Variants in CORO1C observed in about 807,000 individuals in gnomAD.
CORO1C encodes the protein coronin 1C.
A neutral mutation model predicts 51.2 loss-of-function variants in CORO1C; 14 were observed. The observed-to-expected ratio is 0.27, with a 90% CI of 0.18 to 0.43. CORO1C has a LOEUF of 0.43. Ranked by LOEUF, CORO1C falls within the 20% of genes least tolerant of loss-of-function variation. The pLI, the probability that CORO1C is intolerant of heterozygous loss-of-function variation, is 1.00. For missense variants in CORO1C, 417 were observed against 607.8 expected (o/e 0.69, Z 3.30); for synonymous variants, 181 against 210.5 (o/e 0.86, Z 1.21).
At chr12:108,710,091 T>C (rs1013831560) in intron 1 of CORO1C, among the ~76,000 whole-genome samples, 11 of 152,238 alleles carry the variant, frequency 7.2e-5, no homozygotes, top group Non-Finnish European at 1.6e-4. Context: ...AGATGTAATT[T>C]ATCACTCTCC....
Position 108,657,381 on chromosome 12 carries a change from T to C in CORO1C, c.673A>G (p.Ile225Val), listed in dbSNP as rs1164211204. The C allele has an allele frequency of 1.1e-5, 17 of 1,614,110 alleles. No homozygotes were observed. Among genetic ancestry groups the C allele is most frequent in the Non-Finnish European group, 1.4e-5 (16 of 1,179,966 alleles). Residue 225 changes from isoleucine (I) to valine (V), a missense_variant, in exon 6 of 11, where the codon ATC becomes GTC. Transcript: ENST00000261401. Reference protein sequence around the residue: ...AHEGARPMRAIFLADGNVFTT... With the variant: ...AHEGARPMRAVFLADGNVFTT... ...AAGACATTGCCATCGGCCAGGAAGA[T>C]GGCTCTCATGGGTCTTGCTCCTTCA...
intron 1 of CORO1C, among the ~76,000 whole-genome samples, chr12:108,713,397 T>A (rs115803861): frequency 4.1e-4 from 62 of 152,362 alleles, no homozygotes; most frequent in African/African-American, 1.4e-3. Flanking sequence ...AATTCACATG[T>A]ATTACATAGC....
chr12:108,672,711 T>C (rs1046197429), intron 3 of CORO1C, among the ~76,000 whole-genome samples: 1 of 152,202 alleles, frequency 6.6e-6, no homozygotes, highest in Non-Finnish European at 1.5e-5. Flanking sequence ...CAAGTCTATC[T>C]GCACCATTTT....
At chr12:108,714,623 A>C (rs2035278177) in intron 1 of CORO1C, among the ~76,000 whole-genome samples, 1 of 150,452 alleles carries the variant, frequency 6.6e-6, no homozygotes, top group Non-Finnish European at 1.5e-5. Flanking sequence ...TTAGCCGGGC[A>C]TGATGGCGCA....
At chr12:108,669,800 TAGG>T (rs2033645869) in intron 3 of CORO1C, among the ~76,000 whole-genome samples, 1 of 152,090 alleles carries the variant, frequency 6.6e-6, no homozygotes, top group Admixed American at 6.5e-5. Context: ...GCAGGTAGGC[TAGG>T]AGAAGATCAA....
chr12:108,683,593 T>C (rs2034199464), intron 2 of CORO1C, among the ~76,000 whole-genome samples: 1 of 152,110 alleles, frequency 6.6e-6, no homozygotes, highest in Admixed American at 6.6e-5. Context: ...ACACTAGGAA[T>C]AACATTTGAC....
chr12:108,676,771 CAA>C (rs770920855), intron 3 of CORO1C, among the ~76,000 whole-genome samples: 11 of 120,634 alleles, frequency 9.1e-5, no homozygotes, highest in Non-Finnish European at 8.6e-5. Flanking sequence ...GACTCCATCC[CAA>C]AAAAAAAAAA....
At chr12:108,727,759 T>G (rs977989950) in intron 1 of CORO1C, among the ~76,000 whole-genome samples, 5 of 152,156 alleles carry the variant, frequency 3.3e-5, no homozygotes, top group African/African-American at 1.2e-4. Context: ...TCATCAAAAT[T>G]TAAAATCTTT....
intron 8 of CORO1C, among the ~76,000 whole-genome samples, chr12:108,651,189 C>A (rs574296506): frequency 2.0e-5 from 3 of 152,276 alleles, no homozygotes; most frequent in Non-Finnish European, 2.9e-5. Context: ...ATTTGGAAGA[C>A]GTAAGTATCA....
At chr12:108,687,793 A>ATAC (rs1259219150) in intron 2 of CORO1C, among the ~76,000 whole-genome samples, 1 of 152,052 alleles carries the variant, frequency 6.6e-6, no homozygotes. Context: ...AATAATAATA[A>ATAC]TAACAATTTA....
At chr12:108,679,109 C>CAAAAAAAAAAAAAAAAAAAAAAAAA (rs1183326267) in intron 2 of CORO1C, among the ~76,000 whole-genome samples, 6 of 22,160 alleles carry the variant, frequency 2.7e-4, no homozygotes, top group African/African-American at 4.3e-4. Flanking sequence ...GACTCTGTCT[C>CAAAAAAAAAAAAAAAAAAAAAAAAA]AAAAAAAAAA....
chr12:108,691,672 C>T (rs2034500037), intron 2 of CORO1C, among the ~76,000 whole-genome samples: 1 of 152,216 alleles, frequency 6.6e-6, no homozygotes, highest in Non-Finnish European at 1.5e-5. Flanking sequence ...AGGAAATTAT[C>T]CTGGCCGGCT....
chr12:108,681,834 C>A (rs1397203020), intron 2 of CORO1C, among the ~76,000 whole-genome samples: 1 of 151,902 alleles, frequency 6.6e-6, no homozygotes, highest in African/African-American at 2.4e-5. Flanking sequence ...ATAAATAAAG[C>A]AAATACAAAC....
chr12:108,674,071 A>G (rs991446717), intron 3 of CORO1C, among the ~76,000 whole-genome samples: 27 of 152,168 alleles, frequency 1.8e-4, no homozygotes, highest in Non-Finnish European at 1.0e-4. Context: ...CTCACCAACA[A>G]TGCACCTTAT....
intron 1 of CORO1C, among the ~76,000 whole-genome samples, chr12:108,727,534 G>T (rs2035621196): frequency 6.6e-6 from 1 of 152,166 alleles, no homozygotes; most frequent in Non-Finnish European, 1.5e-5. Context: ...TATTTTGTGG[G>T]TAAAGGTGAG....
In CORO1C at chr12:108,647,452, T is replaced by A. The variant is rs755094723; in HGVS notation, c.1376A>T (p.Asp459Val). 1.2e-6 allele frequency: 2 copies of A among 1,612,986 alleles called. No homozygotes were observed. The highest frequency in any genetic ancestry group is 8.5e-7 in the Non-Finnish European group (1 of 1,178,996). Residue 459 changes from aspartate to valine, a missense_variant, in exon 11 of 11, where the codon GAT becomes GTT. Asp to Val is a radical substitution (Grantham distance 152). Transcript: ENST00000261401. Reference sequence around the variant, plus strand: ...CTGTTCTAACTTGGAAATACGCTCATCTTGATTGCAGATTGTGTCTTTTAT... The same window carrying A: ...CTGTTCTAACTTGGAAATACGCTCAACTTGATTGCAGATTGTGTCTTTTAT... ...KSIKDTICNQ[D>V]ERISKLEQQM... is the part of the protein sequence containing the mutation.
chr12:108,712,061 C>T (rs888915414), intron 1 of CORO1C, among the ~76,000 whole-genome samples: 1 of 152,140 alleles, frequency 6.6e-6, no homozygotes, highest in African/African-American at 2.4e-5. Context: ...GCAGAGAATG[C>T]TCCCTCAGCC....
chr12:108,709,854 G>A (rs1296000632), intron 1 of CORO1C, among the ~76,000 whole-genome samples: 1 of 152,186 alleles, frequency 6.6e-6, no homozygotes, highest in Non-Finnish European at 1.5e-5. Flanking sequence ...TTGCTCATTA[G>A]GTCTTTCAAG....
chr12:108,720,783 A>G (rs769978465), intron 1 of CORO1C, among the ~76,000 whole-genome samples: 2 of 152,088 alleles, frequency 1.3e-5, no homozygotes, highest in South Asian at 2.1e-4. Flanking sequence ...TCAGCCTCCT[A>G]AAGTGCTGGG....
Sources: allele counts gnomAD v4.1 joint callset (sites outside exome capture counted in the v4.1 genomes callset), GRCh38; gene constraint gnomAD v4.1.1; transcripts MANE v1.5; gene names NCBI Gene and HGNC (gene_info 2026-07-23, HGNC 2026-07-21).